The following DERA variants were observed in gnomAD, a reference collection of about 807,000 sequenced individuals.
DERA encodes the protein deoxyribose-phosphate aldolase.
In DERA, 15 loss-of-function variants were observed where a neutral mutation model predicts 41.1. The observed-to-expected ratio is 0.37, with a 90% confidence interval of 0.24 to 0.56. The LOEUF (loss-of-function observed/expected upper bound fraction) is 0.56. DERA is among the 20% of genes least tolerant of loss of function. The pLI is 0.81. For missense variants in DERA, 396 were observed against 403.4 expected, an observed-to-expected ratio of 0.98 and a Z score of 0.16; for synonymous variants, 139 against 137.4, an observed-to-expected ratio of 1.01 and a Z score of -0.08.
chr12:15,946,551 G>T (rs139875413), intron 1 of DERA, among the ~76,000 whole-genome samples: 1 of 151,564 alleles, frequency 6.6e-6, no homozygotes, highest in Non-Finnish European at 1.5e-5. Flanking sequence ...GGTAGTTTGT[G>T]TTTCTGTGGG....
rs966988978 is a variant in DERA, at chr12:15,984,130, G to A, written c.637+1694G>A. ...ATAGGACATACTTTGTGGTAGCCACGCTGTTGGTTGTGCACATGGAGCTGA... is the reference window on the plus strand; with the variant it reads ...ATAGGACATACTTTGTGGTAGCCACACTGTTGGTTGTGCACATGGAGCTGA... On this transcript the variant is annotated intron_variant, in intron 6 of 8. Coordinates refer to ENST00000428559, the MANE Select transcript of DERA (RefSeq NM_015954.4). The surrounding 1 kb of genome is among the most constrained non-coding windows in gnomAD (Gnocchi z 4.5). Among the ~76,000 whole-genome samples the A allele has an allele frequency of 6.6e-6, 1 of 152,156 alleles. No individual in the cohort carries two copies. The highest frequency in any genetic ancestry group is 2.4e-5 in the African/African-American group (1 of 41,438).
In DERA at chr12:15,972,853, A is replaced by T. The variant is rs377394077; in HGVS notation, c.509-9455A>T. ...TGGAAGTTAATCTTAAATAAAGAAA[A>T]CTAAAATGCTATCGATGCAAGTTCC... On this transcript the variant is annotated intron_variant, in intron 5 of 8. Transcript: ENST00000428559. The surrounding 1 kb of genome is among the most constrained non-coding windows in gnomAD (Gnocchi z 4.4). 2.0e-5 allele frequency among the ~76,000 whole-genome samples: 3 copies of T among 152,218 alleles called. No homozygotes were observed. The highest frequency in any genetic ancestry group is 3.9e-4 in the East Asian group (2 of 5,154).
Position 16,000,947 on chromosome 12 carries a change from G to A in DERA, c.637+18511G>A, listed in dbSNP as rs1261586919. 2.0e-5 allele frequency among the ~76,000 whole-genome samples: 3 copies of A among 152,076 alleles called. No homozygotes were observed. The East Asian group carries it at 5.8e-4, about 29-fold the overall frequency. ...CTGCATTCTTGTTTTACAGTATTCA[G>A]TATTACAATGCCATTCAAAAATATA... is the stretch of plus-strand genomic sequence containing the variant. On this transcript the variant is annotated intron_variant, in intron 6 of 8. Transcript: ENST00000428559. This position sits in a 1 kb window ranked among gnomAD's most constrained non-coding sequence, Gnocchi z 4.8.
At chr12:16,002,506 T>C (rs188047995) in intron 6 of DERA, among the ~76,000 whole-genome samples, 1 of 152,166 alleles carries the variant, frequency 6.6e-6, no homozygotes, top group Non-Finnish European at 1.5e-5. Flanking sequence ...TTGTATATAT[T>C]TGTAACATAC....
intron 5 of DERA, 112 bp downstream of exon 5, chr12:15,963,059 AGATCAAATG>A (rs902078600): frequency 1.4e-6 from 2 of 1,392,170 alleles, no homozygotes; most frequent in Non-Finnish European, 1.9e-6. Flanking sequence ...ACAAGTTAGT[AGATCAAATG>A]GTGAGTTTAG....
Position 15,981,866 on chromosome 12 carries a change from C to T in DERA, c.509-442C>T, listed in dbSNP as rs2279131. Reference sequence around the variant, plus strand: ...GAACATAACTCTCAAGAAAGGTGTGCTTTATATCCAACCAAAGAACCTATT... The same window carrying T: ...GAACATAACTCTCAAGAAAGGTGTGTTTTATATCCAACCAAAGAACCTATT... On this transcript the variant is annotated intron_variant, in intron 5 of 8. Coordinates refer to ENST00000428559, the MANE Select transcript of DERA (RefSeq NM_015954.4). This position sits in a 1 kb window ranked among gnomAD's most constrained non-coding sequence, Gnocchi z 6.1. 0.72 allele frequency among the ~76,000 whole-genome samples: 91,554 copies of T among 127,194 alleles called. 28,081 individuals are homozygous for T. The highest frequency in any genetic ancestry group is 0.83 in the East Asian group (4,126 of 4,976). 83.4% of individuals were successfully genotyped at this position (127,194 alleles called of 152,430 possible). A position where few individuals can be genotyped will look rare whatever the true frequency, so the allele number is the denominator to read the frequency against.
At chr12:15,926,271 C>T (rs966266331) in intron 1 of DERA, among the ~76,000 whole-genome samples, 4 of 152,072 alleles carry the variant, frequency 2.6e-5, no homozygotes, top group South Asian at 2.1e-4. Context: ...AAGCAGTCCT[C>T]CCGCTTCAGC....
Position 15,913,082 on chromosome 12 carries a change from G to A in DERA, c.31+1668G>A, listed in dbSNP as rs1219401883. On this transcript the variant is annotated intron_variant, in intron 1 of 8. Transcript: ENST00000428559. This position sits in a 1 kb window ranked among gnomAD's most constrained non-coding sequence, Gnocchi z 4.5. ...ACCATGTGACTATGCATACATCAAG[G>A]ATGTGCCCTAAATTTCCCAAAACTT... Among the ~76,000 whole-genome samples the A allele has an allele frequency of 6.6e-6, 1 of 152,164 alleles. No individual in the cohort carries two copies. Among genetic ancestry groups the A allele is most frequent in the Non-Finnish European group, 1.5e-5 (1 of 68,026 alleles).
intron 1 of DERA, among the ~76,000 whole-genome samples, chr12:15,934,744 G>A (rs1407462904): frequency 3.3e-5 from 5 of 152,178 alleles, no homozygotes; most frequent in Admixed American, 3.3e-4. Context: ...CTTTTGATAT[G>A]TGAATTGCTG....
At chr12:15,942,720 G>A (rs528651100) in intron 1 of DERA, among the ~76,000 whole-genome samples, 2 of 152,216 alleles carry the variant, frequency 1.3e-5, no homozygotes, top group South Asian at 4.1e-4. Flanking sequence ...GTCAAGTTTT[G>A]GTTTTCTTTT....
At chr12:15,963,049 A>G in intron 5 of DERA, 102 bp downstream of exon 5, 1 of 1,423,146 alleles carries the variant, frequency 7.0e-7, no homozygotes, top group Non-Finnish European at 9.4e-7. Flanking sequence ...GTTCTAGGTG[A>G]CAAGTTAGTA....
intron 5 of DERA, among the ~76,000 whole-genome samples, chr12:15,969,358 G>C (rs984275014): frequency 3.2e-4 from 49 of 152,156 alleles, no homozygotes; most frequent in Admixed American, 7.9e-4. Flanking sequence ...ACCTTGTTCA[G>C]GAATCTAGCT....
At chr12:15,946,662 T>C (rs543811443) in intron 1 of DERA, among the ~76,000 whole-genome samples, 7 of 152,102 alleles carry the variant, frequency 4.6e-5, no homozygotes, top group Non-Finnish European at 7.4e-5. Context: ...TTTGTTGATC[T>C]TTTCAAAAAA....
Position 15,994,937 on chromosome 12 carries a change from A to T in DERA, c.637+12501A>T, listed in dbSNP as rs191367307. Among the ~76,000 whole-genome samples, 5 of 152,292 alleles carry T rather than the reference A, an allele frequency of 3.3e-5. No homozygotes were observed. The East Asian group carries it at 5.8e-4, about 18-fold the overall frequency. On this transcript the variant is annotated intron_variant, in intron 6 of 8. Transcript: ENST00000428559. This position sits in a 1 kb window ranked among gnomAD's most constrained non-coding sequence, Gnocchi z 4.8. ...ATCCCAAGAGGGAGGGAGGGAGGAG[A>T]GGTATCTTATTATCATCTTTTAGTA...
intron 1 of DERA, among the ~76,000 whole-genome samples, chr12:15,951,817 A>G (rs1251352017): frequency 6.6e-6 from 1 of 152,194 alleles, no homozygotes; most frequent in Admixed American, 6.5e-5. Flanking sequence ...TAAAAAGCAC[A>G]CTGCTGTGCA....
chr12:15,984,341 C>T lies in DERA; in HGVS notation c.637+1905C>T, dbSNP rs941390863. Among the ~76,000 whole-genome samples, 2 of 152,172 alleles carry T rather than the reference C, an allele frequency of 1.3e-5. No individual in the cohort carries two copies. Among genetic ancestry groups the T allele is most frequent in the Non-Finnish European group, 2.9e-5 (2 of 68,042 alleles). The stretch of plus-strand genomic sequence containing the variant: ...GCTTTGGAAGCTGTGTCCCACCCTC[C>T]ACCCATCCTGTCCACAGAAAAAAAT... On this transcript the variant is annotated intron_variant, in intron 6 of 8. Transcript: ENST00000428559. The surrounding 1 kb of genome is among the most constrained non-coding windows in gnomAD (Gnocchi z 4.5).
At chr12:16,034,984 T>C (rs2136191311) in intron 7 of DERA, among the ~76,000 whole-genome samples, 1 of 151,704 alleles carries the variant, frequency 6.6e-6, no homozygotes. Context: ...TCCAGAGTAA[T>C]AGCAGATATG....
Position 16,036,727 on chromosome 12 carries a change from A to C in DERA, c.938A>C (p.His313Pro). Residue 313 changes from histidine (H) to proline (P), a missense_variant, in exon 9 of 9, where the codon CAT becomes CCT. Transcript: ENST00000428559. The surrounding 1 kb of genome is among the most constrained non-coding windows in gnomAD (Gnocchi z 4.9). The stretch of plus-strand genomic sequence containing the variant: ...GTGACTGGAAGATATGCAGCTTATC[A>C]TGATCTTCCAATGTCTTAAATCAGT... ...HHVTGRYAAY[H>P]DLPMS 1 of 1,600,228 alleles carries C rather than the reference A, an allele frequency of 6.2e-7. No individual in the cohort carries two copies. Among genetic ancestry groups the C allele is most frequent in the Non-Finnish European group, 8.5e-7 (1 of 1,175,612 alleles).
rs1343320126 is a variant in DERA at position 15,981,501 on chromosome 12, C to A, written c.509-807C>A. On this transcript the variant is annotated intron_variant, in intron 5 of 8. Coordinates refer to ENST00000428559, the MANE Select transcript of DERA (RefSeq NM_015954.4). The surrounding 1 kb of genome is among the most constrained non-coding windows in gnomAD (Gnocchi z 6.1). ...TGAAAAAGCCAAAATTCACTAGTATCATTGACAAAAGACTTAAATAATTTT... is the reference window on the plus strand; with the variant it reads ...TGAAAAAGCCAAAATTCACTAGTATAATTGACAAAAGACTTAAATAATTTT... Among the ~76,000 whole-genome samples, 5 of 152,174 alleles carry A rather than the reference C, an allele frequency of 3.3e-5. No individual in the cohort carries two copies. In the East Asian group the frequency reaches 9.6e-4, roughly 29 times the overall value.
Sources: allele counts gnomAD v4.1 joint callset (sites outside exome capture counted in the v4.1 genomes callset), GRCh38; gene constraint gnomAD v4.1.1; non-coding constraint Gnocchi (gnomAD v3.1); transcripts MANE v1.5; gene names NCBI Gene and HGNC (gene_info 2026-07-23, HGNC 2026-07-21).